The following ACADM variants were observed in gnomAD, a reference collection of about 807,000 sequenced individuals.
ACADM encodes the protein acyl-CoA dehydrogenase medium chain.
A neutral mutation model predicts 58.9 loss-of-function variants in ACADM; 49 were observed. That is an observed-to-expected ratio of 0.83 (90% CI 0.66 to 1.06). ACADM has a LOEUF of 1.06. Among genes scored for constraint, ACADM ranks in the 50% least tolerant of loss-of-function variants. The pLI is 0.00. For missense variants in ACADM, 496 were observed against 507.0 expected, an observed-to-expected ratio of 0.98 and a Z score of 0.21; for synonymous variants, 160 against 157.7, an observed-to-expected ratio of 1.01 and a Z score of -0.11.
intron 10 of ACADM, among the ~76,000 whole-genome samples, chr1:75,755,658 G>A (rs1357463601): frequency 6.6e-6 from 1 of 152,216 alleles, no homozygotes; most frequent in African/African-American, 2.4e-5. Context: ...AAGATGGGGA[G>A]AAACCAGAGC....
At chr1:75,750,659 G>A (rs1048323588) in intron 10 of ACADM, 113 bp downstream of exon 10, 2 of 783,250 alleles carry the variant, frequency 2.6e-6, no homozygotes, top group Non-Finnish European at 4.4e-6. Context: ...ATAGCAAGAA[G>A]ATAATGTGGT....
At chr1:75,742,191 CA>C (rs1384755927) in intron 7 of ACADM, among the ~76,000 whole-genome samples, 1 of 130,298 alleles carries the variant, frequency 7.7e-6, no homozygotes, top group Non-Finnish European at 1.6e-5. Flanking sequence ...GCTCAAGATA[CA>C]AAAAGGCACT....
intron 7 of ACADM, among the ~76,000 whole-genome samples, chr1:75,742,844 C>T (rs1647654585): frequency 6.6e-6 from 1 of 152,124 alleles, no homozygotes. Context: ...CCTGTGCTTC[C>T]TGGTAGAGGT....
intron 7 of ACADM, chr1:75,744,314 G>C: frequency 6.2e-7 from 1 of 1,613,390 alleles, no homozygotes; most frequent in Non-Finnish European, 8.5e-7. Context: ...GCTTCAGCCG[G>C]CTTGGCCTTA....
intron 6 of ACADM, among the ~76,000 whole-genome samples, chr1:75,735,857 C>T (rs1647245124): frequency 7.4e-6 from 1 of 134,994 alleles, no homozygotes; most frequent in Non-Finnish European, 1.6e-5. Flanking sequence ...AAAAAAAAAG[C>T]AATTAATGTG....
In ACADM at chr1:75,756,074, A is replaced by T. The variant is rs559816659; in HGVS notation, c.946-5048A>T. Among the ~76,000 whole-genome samples the T allele has an allele frequency of 3.1e-3, 468 of 152,338 alleles. 3 individuals are homozygous for T. The highest frequency in any genetic ancestry group is 0.011 in the African/African-American group (437 of 41,568). On this transcript the variant is annotated intron_variant, in intron 10 of 11. Coordinates refer to ENST00000370841, the MANE Select transcript of ACADM (RefSeq NM_000016.6). ...GTATTGATGGAATGTATCTCAAAAT[A>T]ATAGCTATTTATGACAAACCCACAG...
chr1:75,750,001 G>A (rs994137037), intron 9 of ACADM, among the ~76,000 whole-genome samples: 3 of 151,950 alleles, frequency 2.0e-5, no homozygotes, highest in African/African-American at 4.8e-5. Flanking sequence ...GTGAGCCACC[G>A]CGCCTGACCA....
chr1:75,737,910 ATATT>A (rs554016138), intron 6 of ACADM, among the ~76,000 whole-genome samples: 1 of 151,606 alleles, frequency 6.6e-6, no homozygotes, highest in African/African-American at 2.4e-5. Flanking sequence ...GAGTATAGTT[ATATT>A]TATTTATTTA....
intron 7 of ACADM, chr1:75,744,046 T>C (rs1372820202): frequency 1.3e-5 from 21 of 1,584,532 alleles, no homozygotes; most frequent in Middle Eastern, 1.7e-4. Context: ...CATTGGCACA[T>C]GTATTCTGGG....
At chr1:75,750,978 G>A (rs1215899993) in intron 10 of ACADM, 6 of 255,514 alleles carry the variant, frequency 2.3e-5, no homozygotes, top group Admixed American at 2.0e-4. Flanking sequence ...CGATCTGCCC[G>A]CCTCAGCCTC....
intron 1 of ACADM, 79 bp from the exon 2 acceptor site, chr1:75,728,322 C>T: frequency 8.6e-7 from 1 of 1,168,808 alleles, no homozygotes; most frequent in Non-Finnish European, 1.2e-6. Flanking sequence ...TTGCTGTACT[C>T]ACTTATGATT....
chr1:75,759,214 T>C (rs1648685164), intron 10 of ACADM, among the ~76,000 whole-genome samples: 1 of 152,216 alleles, frequency 6.6e-6, no homozygotes, highest in Non-Finnish European at 1.5e-5. Context: ...GGACACACTC[T>C]TGGGTGTTCA....
intron 7 of ACADM, among the ~76,000 whole-genome samples, chr1:75,741,094 A>C (rs1647540976): frequency 6.6e-6 from 1 of 152,222 alleles, no homozygotes; most frequent in African/African-American, 2.4e-5. Context: ...CATGGGAAAT[A>C]CTGTATTTAC....
intron 10 of ACADM, among the ~76,000 whole-genome samples, chr1:75,757,398 T>C (rs916880369): frequency 6.6e-6 from 1 of 152,138 alleles, no homozygotes; most frequent in African/African-American, 2.4e-5. Flanking sequence ...GGGTGAAGGA[T>C]ATGAACAGAC....
rs1199906848 is a variant in ACADM, at chr1:75,736,299, C to T, written c.468+1428C>T. Among the ~76,000 whole-genome samples, 4 of 151,938 alleles carry T rather than the reference C, an allele frequency of 2.6e-5. No individual in the cohort carries two copies. In the South Asian group the frequency reaches 6.2e-4, roughly 24 times the overall value. On this transcript the variant is annotated intron_variant, in intron 6 of 11. Transcript: ENST00000370841. ...AAGGTGTGGTTGTTATACTGAAATA[C>T]AGTAGATGTATTAGTTTTGAGCTAA...
chr1:75,756,452 C>A (rs936670954), intron 10 of ACADM, among the ~76,000 whole-genome samples: 1 of 151,996 alleles, frequency 6.6e-6, no homozygotes, highest in African/African-American at 2.4e-5. Context: ...GAGTGAACTC[C>A]CATTCACAAT....
rs2100408597 is a variant in ACADM at position 75,745,917 on chromosome 1, A to G, written c.708+3A>G. 1 of 1,597,974 alleles carries G rather than the reference A, an allele frequency of 6.3e-7. No homozygotes were observed. The highest frequency in any genetic ancestry group is 8.6e-7 in the Non-Finnish European group (1 of 1,165,448). On this transcript the variant is annotated splice_donor_region_variant and intron_variant, in intron 8 of 11. Coordinates refer to ENST00000370841, the MANE Select transcript of ACADM (RefSeq NM_000016.6). ...CAGGAATTCAGATTGGGAGAAAGGT[A>G]AAGTATTTATTAATGATTAGGGCCC...
At chr1:75,731,449 TATC>T (rs1339222581) in intron 2 of ACADM, among the ~76,000 whole-genome samples, 1 of 152,130 alleles carries the variant, frequency 6.6e-6, no homozygotes, top group African/African-American at 2.4e-5. Context: ...AATACCCTAT[TATC>T]TCTTAAATTT....
At chr1:75,761,049 T>G in intron 10 of ACADM, 73 bp from the exon 11 acceptor site, 1 of 1,452,666 alleles carries the variant, frequency 6.9e-7, no homozygotes, top group Non-Finnish European at 9.4e-7. Flanking sequence ...ACTATAAAAA[T>G]GAAAAAGCCC....
Sources: gnomAD v4.1 joint callset for allele counts (sites outside exome capture counted in the v4.1 genomes callset) on GRCh38, gnomAD v4.1.1 for gene constraint, MANE v1.5 for transcripts, NCBI Gene and HGNC (gene_info 2026-07-23, HGNC 2026-07-21) for gene names.